FGF14: variants seen among roughly 807,000 people sequenced by gnomAD.
FGF14 encodes the protein fibroblast growth factor homologous factor 4.
Under a neutral mutation model 25.5 loss-of-function variants are expected in FGF14, and 5 were observed. The observed-to-expected ratio is 0.20, with a 90% CI of 0.10 to 0.41. The LOEUF (loss-of-function observed/expected upper bound fraction) is 0.41, where lower values mean the gene tolerates loss of function less well. Ranked by LOEUF, FGF14 falls within the 10% of genes least tolerant of loss-of-function variation. The pLI, the probability that FGF14 is intolerant of heterozygous loss-of-function variation, is 1.00. For missense variants in FGF14, 222 were observed against 320.1 expected (o/e 0.69, Z 2.34); for synonymous variants, 138 against 118.3 (o/e 1.17, Z -1.08).
chr13:101,915,247 G>A (rs1409820631), intron 1 of FGF14, among the ~76,000 whole-genome samples: 3 of 151,920 alleles, frequency 2.0e-5, no homozygotes, highest in African/African-American at 4.8e-5. Context: ...TAAAAAAAAA[G>A]CATCAAAACT....
intron 1 of FGF14, among the ~76,000 whole-genome samples, chr13:102,059,661 G>C (rs371307965): frequency 3.3e-5 from 5 of 152,184 alleles, no homozygotes; most frequent in African/African-American, 1.2e-4. Context: ...AACCGGCATG[G>C]CCAACGTGGT....
intron 1 of FGF14, among the ~76,000 whole-genome samples, chr13:102,246,270 C>T (rs1324429337): frequency 6.6e-6 from 1 of 152,156 alleles, no homozygotes; most frequent in Admixed American, 6.6e-5. Context: ...TCAGTATCAA[C>T]GTTGTTACAC....
At chr13:102,344,739 AAAG>A (rs2057052720) in intron 1 of FGF14, among the ~76,000 whole-genome samples, 1 of 152,238 alleles carries the variant, frequency 6.6e-6, no homozygotes, top group African/African-American at 2.4e-5. Context: ...CATGAGGTTC[AAAG>A]AAGGTTTCCT....
At chr13:102,321,867 C>T (rs1452157801) in intron 1 of FGF14, among the ~76,000 whole-genome samples, 2 of 152,170 alleles carry the variant, frequency 1.3e-5, no homozygotes, top group Non-Finnish European at 2.9e-5. Flanking sequence ...TGCCAATGTC[C>T]CATTTTAACT....
intron 1 of FGF14, among the ~76,000 whole-genome samples, chr13:101,923,755 T>C (rs1231799253): frequency 6.6e-6 from 1 of 152,120 alleles, no homozygotes; most frequent in East Asian, 1.9e-4. Flanking sequence ...AACAGATTTC[T>C]ATCTATTAAA....
At chr13:101,723,880 C>A (rs1412065619) in intron 4 of FGF14, among the ~76,000 whole-genome samples, 1 of 151,968 alleles carries the variant, frequency 6.6e-6, no homozygotes, top group Non-Finnish European at 1.5e-5. Context: ...TTAGAGCTGC[C>A]CAAACTGCTT....
rs1360387474 is a variant in FGF14 at position 101,961,565 on chromosome 13, C to T, written c.209-86269G>A. ...GGTCTGTGATATGCTTTGGCTCTGTCCCCACCCAAATCTCATCTTGTAGTT... is the reference window on the plus strand; with the variant it reads ...GGTCTGTGATATGCTTTGGCTCTGTTCCCACCCAAATCTCATCTTGTAGTT... On this transcript the variant is annotated intron_variant, in intron 1 of 4. Coordinates refer to the FGF14 transcript ENST00000376131. Among the ~76,000 whole-genome samples the T allele has an allele frequency of 2.6e-5, 4 of 152,088 alleles. No individual in the cohort carries two copies. In the East Asian group the frequency reaches 7.7e-4, roughly 29 times the overall value.
intron 1 of FGF14, among the ~76,000 whole-genome samples, chr13:102,077,064 C>G (rs975230942): frequency 3.9e-5 from 6 of 152,114 alleles, no homozygotes; most frequent in African/African-American, 1.2e-4. Context: ...GTTGGAACAA[C>G]TGGATATCCA....
chr13:102,259,093 G>T (rs1435993829), intron 1 of FGF14, among the ~76,000 whole-genome samples: 1 of 152,192 alleles, frequency 6.6e-6, no homozygotes, highest in Non-Finnish European at 1.5e-5. Flanking sequence ...GGCACAAAGA[G>T]GCTGTCCTGA....
chr13:101,953,558 A>ATGTGTGTGTGTGTG (rs369170619), intron 1 of FGF14, among the ~76,000 whole-genome samples: 26 of 148,364 alleles, frequency 1.8e-4, no homozygotes, highest in South Asian at 4.4e-4. Context: ...GTATATATAT[A>ATGTGTGTGTGTGTG]TGTGTGTGTG....
At chr13:102,345,073 T>G (rs895239764) in intron 1 of FGF14, among the ~76,000 whole-genome samples, 1 of 152,202 alleles carries the variant, frequency 6.6e-6, no homozygotes, top group East Asian at 1.9e-4. Flanking sequence ...TGGTTTATGG[T>G]CTTAATTCCA....
At chr13:102,114,323 T>C (rs1361313314) in intron 1 of FGF14, among the ~76,000 whole-genome samples, 1 of 152,244 alleles carries the variant, frequency 6.6e-6, no homozygotes, top group Non-Finnish European at 1.5e-5. Flanking sequence ...CTTTATCAGA[T>C]ACATGATTAG....
At chr13:102,003,252 C>T (rs912161123) in intron 1 of FGF14, 22 of 152,034 alleles carry the variant, frequency 1.4e-4, no homozygotes, top group African/African-American at 5.1e-4. Flanking sequence ...TAGAATATGT[C>T]CAGAAGACCA....
intron 1 of FGF14, among the ~76,000 whole-genome samples, chr13:102,231,936 G>A (rs2140995364): frequency 6.6e-6 from 1 of 152,292 alleles, no homozygotes; most frequent in South Asian, 2.1e-4. Context: ...TCAATTAACT[G>A]ATACTATTAT....
intron 1 of FGF14, among the ~76,000 whole-genome samples, chr13:102,017,403 A>G (rs1175716729): frequency 1.3e-5 from 2 of 152,224 alleles, no homozygotes; most frequent in Non-Finnish European, 2.9e-5. Context: ...CTAGGATTAA[A>G]GCCTTTTTCC....
intron 1 of FGF14, among the ~76,000 whole-genome samples, chr13:102,250,289 G>C (rs1057134446): frequency 6.6e-6 from 1 of 152,150 alleles, no homozygotes; most frequent in African/African-American, 2.4e-5. Flanking sequence ...TGGGACACAG[G>C]CTTCCAATGT....
chr13:102,310,696 T>TGTTGGG (rs1269681335), intron 1 of FGF14, among the ~76,000 whole-genome samples: 1 of 3,472 alleles, frequency 2.9e-4, no homozygotes, highest in Non-Finnish European at 5.2e-4. Flanking sequence ...TGTGTGTGTG[T>TGTTGGG]GGGGGGGGGG....
chr13:102,066,709 G>T (rs939737384), intron 1 of FGF14, among the ~76,000 whole-genome samples: 3 of 152,124 alleles, frequency 2.0e-5, no homozygotes, highest in African/African-American at 7.2e-5. Flanking sequence ...GAGTTCTGAC[G>T]GTCTTTCTCT....
chr13:101,772,490 T>C (rs568312102), intron 3 of FGF14, among the ~76,000 whole-genome samples: 1 of 152,224 alleles, frequency 6.6e-6, no homozygotes, highest in East Asian at 1.9e-4. Context: ...TTTATTTTCT[T>C]TTCTCTCAGG....
Sources: gnomAD v4.1 joint callset for allele counts (sites outside exome capture counted in the v4.1 genomes callset) on GRCh38, gnomAD v4.1.1 for gene constraint, MANE v1.5 for transcripts, NCBI Gene and HGNC (gene_info 2026-07-23, HGNC 2026-07-21) for gene names.